Variants in TGFBR2 observed in about 807,000 individuals in gnomAD.
TGFBR2 encodes the protein TGF-beta receptor type-2.
TGFBR2 carries 18 observed loss-of-function variants against 49.0 expected under a neutral mutation model. That is an observed-to-expected ratio of 0.37 (90% confidence interval 0.25 to 0.54). TGFBR2 has a LOEUF of 0.54. Ranked by LOEUF, TGFBR2 falls within the 20% of genes least tolerant of loss-of-function variation. The pLI, the probability that TGFBR2 is intolerant of heterozygous loss-of-function variation, is 0.85. For synonymous variants in TGFBR2, 282 were observed against 275.9 expected, an observed-to-expected ratio of 1.02 and a Z score of -0.22; for missense variants, 525 against 722.6, an observed-to-expected ratio of 0.73 and a Z score of 3.13.
In TGFBR2 at chr3:30,691,553, CGGA is replaced by C. The variant is rs752315892; in HGVS notation, c.1663_1665del (p.Glu555del). 2.5e-6 allele frequency: 4 copies of C among 1,614,094 alleles called. No individual in the cohort carries two copies. Among genetic ancestry groups the C allele is most frequent in the African/African-American group, 1.3e-5 (1 of 75,018 alleles). On this transcript the variant is annotated inframe_deletion, in exon 7 of 7. Transcript: ENST00000295754. ...GACAGGCTCTCGGGGAGGAGCTGCT[CGGA>C]GGAGAAGATTCCTGAAGACGGCTCC...
chr3:30,689,612 G>C (rs1053142481), intron 6 of TGFBR2, among the ~76,000 whole-genome samples: 1 of 152,224 alleles, frequency 6.6e-6, no homozygotes, highest in East Asian at 1.9e-4. Context: ...GTCCGAGGAG[G>C]TTGGCGAGGG....
upstream of TGFBR2, chr3:30,606,389 T>C (rs975714974): frequency 3.5e-5 from 8 of 228,064 alleles, no homozygotes; most frequent in East Asian, 3.1e-4. Flanking sequence ...GAGGAACTCC[T>C]GAGTGGTGTG....
chr3:30,642,021 C>T (rs1033651893), intron 1 of TGFBR2, among the ~76,000 whole-genome samples: 1 of 152,032 alleles, frequency 6.6e-6, no homozygotes, highest in African/African-American at 2.4e-5. Context: ...GGACTTAAAC[C>T]ACTTGCATTT....
At chr3:30,680,908 G>A (rs750597449) in intron 5 of TGFBR2, among the ~76,000 whole-genome samples, 1 of 152,110 alleles carries the variant, frequency 6.6e-6, no homozygotes, top group Non-Finnish European at 1.5e-5. Flanking sequence ...TGTGTGTTGT[G>A]TGGAAGGCGG....
intron 2 of TGFBR2, among the ~76,000 whole-genome samples, chr3:30,647,519 A>G (rs1186782539): frequency 6.6e-6 from 1 of 152,126 alleles, no homozygotes; most frequent in Non-Finnish European, 1.5e-5. Context: ...CTATGATTGT[A>G]GATTTCAGTG....
intron 1 of TGFBR2, among the ~76,000 whole-genome samples, chr3:30,607,799 A>ATATATATAT (rs1553624166): frequency 2.2e-5 from 3 of 138,314 alleles, no homozygotes; most frequent in African/African-American, 8.1e-5. Context: ...AAAATAAAAA[A>ATATATATAT]ATATATATAT....
chr3:30,660,535 T>A (rs1465159280), intron 3 of TGFBR2, among the ~76,000 whole-genome samples: 3 of 152,292 alleles, frequency 2.0e-5, no homozygotes, highest in African/African-American at 7.2e-5. Context: ...ACGTTCCCCC[T>A]GTAGCCTGGA....
chr3:30,675,832 A>G (rs1001457325), intron 5 of TGFBR2, among the ~76,000 whole-genome samples: 1 of 152,212 alleles, frequency 6.6e-6, no homozygotes, highest in African/African-American at 2.4e-5. Context: ...AAAAACAGCA[A>G]ATTAACCTGG....
At chr3:30,627,168 C>T (rs929231781) in intron 1 of TGFBR2, among the ~76,000 whole-genome samples, 1 of 152,126 alleles carries the variant, frequency 6.6e-6, no homozygotes, top group Non-Finnish European at 1.5e-5. Flanking sequence ...CTGTCCAGAC[C>T]TCGTTCCGCA....
At chr3:30,607,841 A>T (rs925232227) in intron 1 of TGFBR2, among the ~76,000 whole-genome samples, 1 of 121,752 alleles carries the variant, frequency 8.2e-6, no homozygotes, top group Non-Finnish European at 1.5e-5. Context: ...ATATATAATT[A>T]TATATATAAA....
intron 1 of TGFBR2, among the ~76,000 whole-genome samples, chr3:30,607,839 TTA>T (rs1437808239): frequency 4.0e-5 from 5 of 123,748 alleles, no homozygotes; most frequent in Admixed American, 7.5e-5. Flanking sequence ...ATATATATAA[TTA>T]TATATATAAA....
intron 1 of TGFBR2, among the ~76,000 whole-genome samples, chr3:30,617,076 T>G (rs1408235127): frequency 8.0e-6 from 1 of 125,650 alleles, no homozygotes; most frequent in African/African-American, 2.7e-5. Flanking sequence ...CTTTCATATT[T>G]TTTGGGAAAA....
At chr3:30,629,614 GA>G (rs1444526948) in intron 1 of TGFBR2, among the ~76,000 whole-genome samples, 1 of 152,148 alleles carries the variant, frequency 6.6e-6, no homozygotes, top group Non-Finnish European at 1.5e-5. Context: ...GGAACTTAAG[GA>G]AGAGGTATGA....
Position 30,644,742 on chromosome 3 carries a change from C to T in TGFBR2, c.95-5C>T, listed in dbSNP as rs1698699122. On this transcript the variant is annotated splice_polypyrimidine_tract_variant and splice_region_variant and intron_variant, in intron 1 of 6. Transcript: ENST00000295754. The stretch of plus-strand genomic sequence containing the variant: ...ATCATTTAATATATCTTTCTCTCTC[C>T]TCAGTTAATAACGACATGATAGTCA... The T allele has an allele frequency of 1.9e-6, 3 of 1,613,864 alleles. No individual in the cohort carries two copies. The highest frequency in any genetic ancestry group is 2.5e-6 in the Non-Finnish European group (3 of 1,179,782).
chr3:30,610,635 GC>G (rs1698012389), intron 1 of TGFBR2, among the ~76,000 whole-genome samples: 1 of 152,196 alleles, frequency 6.6e-6, no homozygotes, highest in South Asian at 2.1e-4. Flanking sequence ...TGTTGTAGTT[GC>G]TTTACCTACT....
intron 5 of TGFBR2, among the ~76,000 whole-genome samples, chr3:30,679,651 A>G (rs1294578414): frequency 6.6e-6 from 1 of 152,194 alleles, no homozygotes; most frequent in Non-Finnish European, 1.5e-5. Flanking sequence ...CATTTAATCT[A>G]CCAAAACTCT....
chr3:30,643,608 A>T lies in TGFBR2; in HGVS notation c.95-1139A>T, dbSNP rs184589653. On this transcript the variant is annotated intron_variant, in intron 1 of 6. Transcript: ENST00000295754. ...AGTTCTGTATCCTATCCTACATGGCATCAAGGGCCAAACATGGACTCCTTG... is the reference window on the plus strand; with the variant it reads ...AGTTCTGTATCCTATCCTACATGGCTTCAAGGGCCAAACATGGACTCCTTG... Among the ~76,000 whole-genome samples the T allele has an allele frequency of 1.5e-4, 23 of 152,330 alleles. 1 individual carries two copies. In the East Asian group the frequency reaches 4.4e-3, roughly 29 times the overall value.
At chr3:30,678,333 G>A (rs1397918505) in intron 5 of TGFBR2, among the ~76,000 whole-genome samples, 1 of 152,098 alleles carries the variant, frequency 6.6e-6, no homozygotes, top group Non-Finnish European at 1.5e-5. Flanking sequence ...GGATCATGAG[G>A]TCAGGAGATC....
At chr3:30,651,861 C>T (rs1698894481) in intron 3 of TGFBR2, among the ~76,000 whole-genome samples, 1 of 152,182 alleles carries the variant, frequency 6.6e-6, no homozygotes, top group Non-Finnish European at 1.5e-5. Context: ...ATTTTACCAG[C>T]GTGGTAGTGT....
Sources: allele counts gnomAD v4.1 joint callset (sites outside exome capture counted in the v4.1 genomes callset), GRCh38; gene constraint gnomAD v4.1.1; transcripts MANE v1.5; gene names NCBI Gene and HGNC (gene_info 2026-07-23, HGNC 2026-07-21).